IL1RAPL1: variants seen among roughly 807,000 people sequenced by gnomAD.
The protein encoded by IL1RAPL1 is interleukin-1 receptor accessory protein-like 1.
IL1RAPL1 carries 3 observed loss-of-function variants against 48.4 expected under a neutral mutation model. The observed-to-expected ratio is 0.06, with a 90% CI of 0.03 to 0.16. The LOEUF is 0.16. Ranked by LOEUF, IL1RAPL1 falls within the 10% of genes least tolerant of loss-of-function variation. The probability of loss-of-function intolerance (pLI) is 1.00; values close to 1 mark genes in which losing one functional copy is unlikely to be tolerated. For missense variants in IL1RAPL1, 349 were observed against 530.6 expected (o/e 0.66, Z 3.36); for synonymous variants, 185 against 187.7 (o/e 0.99, Z 0.12).
intron 2 of IL1RAPL1, among the ~76,000 whole-genome samples, chrX:28,821,541 A>T (rs1236718510): frequency 1.8e-5 from 2 of 111,797 alleles, no homozygotes; most frequent in African/African-American, 6.5e-5. Flanking sequence ...GCAGATATGT[A>T]TGGTAAAGCA....
chrX:28,655,864 A>C (rs1327208279), intron 1 of IL1RAPL1, among the ~76,000 whole-genome samples: 2 of 112,039 alleles, frequency 1.8e-5, no homozygotes, highest in East Asian at 5.6e-4. Context: ...TTGGGATGAA[A>C]GCTTCTGGAG....
intron 5 of IL1RAPL1, among the ~76,000 whole-genome samples, chrX:29,455,040 TC>T (rs1235802629): frequency 2.7e-5 from 3 of 111,243 alleles, no homozygotes; most frequent in African/African-American, 3.3e-5. Context: ...TATTCACAGA[TC>T]TTTTTTTTGC....
At chrX:29,651,866 T>C (rs1251577167) in intron 5 of IL1RAPL1, among the ~76,000 whole-genome samples, 1 of 111,833 alleles carries the variant, frequency 8.9e-6, no homozygotes, top group Non-Finnish European at 1.9e-5. Context: ...CTTCAAAATA[T>C]CATGTTGTAC....
At chrX:29,701,530 G>A (rs371147242) in intron 6 of IL1RAPL1, among the ~76,000 whole-genome samples, 1 of 111,990 alleles carries the variant, frequency 8.9e-6, no homozygotes, top group Admixed American at 9.5e-5. Flanking sequence ...ATAGCTGGGA[G>A]GAAGCTTCAA....
intron 1 of IL1RAPL1, among the ~76,000 whole-genome samples, chrX:28,615,225 T>G (rs1357066592): frequency 1.0e-5 from 1 of 98,087 alleles, no homozygotes; most frequent in Non-Finnish European, 2.0e-5. Flanking sequence ...TTTTTTTTTT[T>G]TTTTTTTTTA....
intron 2 of IL1RAPL1, among the ~76,000 whole-genome samples, chrX:28,991,297 G>A (rs1293766025): frequency 8.9e-6 from 1 of 111,775 alleles, no homozygotes; most frequent in Non-Finnish European, 1.9e-5. Context: ...ATTGGCAAGA[G>A]CTTCAACAAC....
At chrX:29,652,607 C>T (rs929712245) in intron 5 of IL1RAPL1, among the ~76,000 whole-genome samples, 6 of 111,642 alleles carry the variant, frequency 5.4e-5, no homozygotes, top group African/African-American at 2.0e-4. Context: ...AAATTCAATT[C>T]GGATCACATT....
At chrX:29,117,892 C>T (rs1455067793) in intron 2 of IL1RAPL1, among the ~76,000 whole-genome samples, 1 of 111,406 alleles carries the variant, frequency 9.0e-6, no homozygotes. Context: ...GTTTTGTCCA[C>T]GTTAATTTTG....
At chrX:29,117,561 C>T (rs1198790575) in intron 2 of IL1RAPL1, among the ~76,000 whole-genome samples, 1 of 111,735 alleles carries the variant, frequency 8.9e-6, no homozygotes, top group Non-Finnish European at 1.9e-5. Flanking sequence ...GGAAGATAAG[C>T]GTTGATAAAA....
At chrX:29,649,607 C>T (rs1170373020) in intron 5 of IL1RAPL1, among the ~76,000 whole-genome samples, 1 of 111,160 alleles carries the variant, frequency 9.0e-6, no homozygotes, top group Non-Finnish European at 1.9e-5. Context: ...AACAGTGCAC[C>T]TCATGACCAT....
intron 5 of IL1RAPL1, among the ~76,000 whole-genome samples, chrX:29,641,240 G>A (rs1345912139): frequency 3.6e-5 from 4 of 112,464 alleles, no homozygotes; most frequent in African/African-American, 1.3e-4. Context: ...CAATCCCAAG[G>A]TTCAAACCAC....
In IL1RAPL1 at chrX:29,381,827, AAAAAAAATATATATATAT is replaced by A. The variant is rs1297453010; in HGVS notation, c.363-14429_363-14412del. On this transcript the variant is annotated intron_variant, in intron 3 of 10. Transcript: ENST00000378993. The stretch of plus-strand genomic sequence containing the variant: ...CAAGACTGTTGCCAAAAAAAAAAAA[AAAAAAAATATATATATAT>A]ATATATATATATATATATACATATA... Among the ~76,000 whole-genome samples, 115 of 36,031 alleles carry A rather than the reference AAAAAAAATATATATATAT, an allele frequency of 3.2e-3. 4 individuals carry two copies. Among genetic ancestry groups the A allele is most frequent in the Non-Finnish European group, 5.1e-3 (63 of 12,443 alleles). The allele number at this position is 36,031 out of a possible 115,157, so 31.3% of individuals were successfully genotyped here. A position where few individuals can be genotyped will look rare whatever the true frequency, so the allele number is the denominator to read the frequency against.
intron 1 of IL1RAPL1, among the ~76,000 whole-genome samples, chrX:28,744,946 A>G (rs1017549803): frequency 6.3e-5 from 7 of 111,073 alleles, no homozygotes; most frequent in Admixed American, 4.8e-4. Flanking sequence ...CTTACTAGAA[A>G]ATTAAACCTG....
At chrX:29,396,472 T>C in intron 4 of IL1RAPL1, 28 bp downstream of exon 4, 3 of 1,151,103 alleles carry the variant, frequency 2.6e-6, no homozygotes, top group Non-Finnish European at 3.6e-6. Flanking sequence ...TTCTATTTCC[T>C]ATTAACAAAT....
intron 2 of IL1RAPL1, among the ~76,000 whole-genome samples, chrX:29,073,907 T>G (rs1361202490): frequency 5.4e-5 from 6 of 111,818 alleles, no homozygotes; most frequent in Non-Finnish European, 1.1e-4. Context: ...AACTAGTTGA[T>G]TTTTGGAGCT....
chrX:28,835,411 A>G (rs772539572), intron 2 of IL1RAPL1, among the ~76,000 whole-genome samples: 13 of 111,559 alleles, frequency 1.2e-4, no homozygotes, highest in Non-Finnish European at 1.7e-4. Flanking sequence ...ATGCAAGGAA[A>G]GAATGGCACT....
At chrX:29,143,184 AT>A (rs199706478) in intron 2 of IL1RAPL1, among the ~76,000 whole-genome samples, 5 of 111,307 alleles carry the variant, frequency 4.5e-5, no homozygotes, top group Non-Finnish European at 7.5e-5. Flanking sequence ...GAGACAATTT[AT>A]TTTTTTTATT....
chrX:29,020,784 G>A (rs956675757), intron 2 of IL1RAPL1, among the ~76,000 whole-genome samples: 3 of 111,536 alleles, frequency 2.7e-5, no homozygotes, highest in South Asian at 7.5e-4. Flanking sequence ...GCTACTTTTC[G>A]CATATAAAGT....
chrX:28,811,441 A>G (rs1279454972), intron 2 of IL1RAPL1, among the ~76,000 whole-genome samples: 2 of 110,616 alleles, frequency 1.8e-5, no homozygotes, highest in Non-Finnish European at 3.8e-5. Context: ...TTCGTTTTGC[A>G]TAGATTGCTA....
Sources: allele counts gnomAD v4.1 joint callset (sites outside exome capture counted in the v4.1 genomes callset), GRCh38; gene constraint gnomAD v4.1.1; transcripts MANE v1.5; gene names NCBI Gene and HGNC (gene_info 2026-07-23, HGNC 2026-07-21).